DICER1: variants seen among roughly 807,000 people sequenced by gnomAD.
DICER1 encodes dicer 1, ribonuclease III.
In DICER1, 43 loss-of-function variants were observed where a neutral mutation model predicts 194.1. The observed-to-expected ratio is 0.22, with a 90% CI of 0.17 to 0.29. DICER1 has a LOEUF of 0.29. DICER1 is among the 10% of genes least tolerant of loss of function. The pLI is 1.00. For synonymous variants in DICER1, 832 were observed against 820.5 expected (o/e 1.01, Z -0.24); for missense variants, 1,608 against 2,317.0 (o/e 0.69, Z 6.28).
In DICER1 at chr14:95,116,479, G is replaced by A. The variant is rs1310449725; in HGVS notation, c.1726C>T (p.Leu576Phe). Reference sequence around the variant, plus strand: ...TTTTCAATAGCTTTGTAGGTTTTAAGGTCTTCTTCAAAACTTTTTATTTTG... The same window carrying A: ...TTTTCAATAGCTTTGTAGGTTTTAAAGTCTTCTTCAAAACTTTTTATTTTG... Reference protein sequence around the residue: ...TDKIKSFEEDLKTYKAIEKIL... With the variant: ...TDKIKSFEEDFKTYKAIEKIL... Residue 576 changes from leucine to phenylalanine, a missense_variant, in exon 10 of 27, where the codon CTT becomes TTT. Physicochemically the swap from Leu to Phe is conservative, Grantham distance 22. This residue lies in a region of DICER1 where 657 missense variants were observed against 910.1 expected (regional missense o/e 0.72). Transcript: ENST00000343455. 1.2e-6 allele frequency: 2 copies of A among 1,612,706 alleles called. No individual in the cohort carries two copies. The highest frequency in any genetic ancestry group is 8.5e-7 in the Non-Finnish European group (1 of 1,179,856).
chr14:95,113,602 C>CTT, intron 11 of DICER1, among the ~76,000 whole-genome samples: 1 of 152,152 alleles, frequency 6.6e-6, no homozygotes, highest in East Asian at 1.9e-4. Context: ...AAACATACTG[C>CTT]CAATGTTTTT....
intron 22 of DICER1, among the ~76,000 whole-genome samples, chr14:95,097,460 T>C (rs925875959): frequency 4.6e-5 from 7 of 152,202 alleles, no homozygotes; most frequent in East Asian, 1.9e-4. Flanking sequence ...TAGACTAACA[T>C]GAAACACAAC....
rs878855251 is a variant in DICER1, at chr14:95,107,753, A to G, written c.2659T>C (p.Ser887Pro). 2 of 1,491,344 alleles carry G rather than the reference A, an allele frequency of 1.3e-6. No homozygotes were observed. Among genetic ancestry groups the G allele is most frequent in the Non-Finnish European group, 1.9e-6 (2 of 1,077,968 alleles). 92.4% of individuals were successfully genotyped at this position (1,491,344 alleles called of 1,614,324 possible). A position where few individuals can be genotyped will look rare whatever the true frequency, so the allele number is the denominator to read the frequency against. The change falls in exon 17 of 27, where the codon TCC becomes CCC. Residue 887 changes from serine to proline, a missense_variant. Physicochemically the swap from Ser to Pro is moderately conservative, Grantham distance 74. This residue lies in a region of DICER1 where 150 missense variants were observed against 216.0 expected (regional missense o/e 0.69). Transcript: ENST00000343455. ...TTAAAGTCAATATCCAAAGTGCTGG[A>G]GTCATTAACTTAGAAGAGAAAAACG... is the stretch of plus-strand genomic sequence containing the variant. ...CVLPLNVVND[S>P]STLDIDFKFM...
chr14:95,125,777 G>GGA (rs1893394098), intron 7 of DICER1, among the ~76,000 whole-genome samples: 1 of 97,990 alleles, frequency 1.0e-5, no homozygotes, highest in Non-Finnish European at 2.1e-5. Context: ...GGGAGGGGGA[G>GGA]GGAGGGGAGG....
intron 24 of DICER1, among the ~76,000 whole-genome samples, chr14:95,093,405 T>C (rs1441390409): frequency 6.6e-6 from 1 of 152,218 alleles, no homozygotes; most frequent in Non-Finnish European, 1.5e-5. Flanking sequence ...ATTCCAATGG[T>C]CAAAAATTTA....
chr14:95,091,896 G>A (rs1269818728), intron 24 of DICER1, among the ~76,000 whole-genome samples: 1 of 152,084 alleles, frequency 6.6e-6, no homozygotes, highest in African/African-American at 2.4e-5. Context: ...CACTAGATAT[G>A]TGTTCACTAT....
Position 95,100,238 on chromosome 14 carries a change from A to G in DICER1, c.4051-303T>C, listed in dbSNP as rs1344909885. 3.9e-5 allele frequency among the ~76,000 whole-genome samples: 6 copies of G among 152,248 alleles called. No homozygotes were observed. The East Asian group carries it at 5.8e-4, about 15-fold the overall frequency. ...TGACTGAGAAGAAACACTTCAGACA[A>G]TATCAAAGCCTTGAAAATACAACCT... On this transcript the variant is annotated intron_variant, in intron 21 of 26. Coordinates refer to ENST00000343455, the MANE Select transcript of DICER1 (RefSeq NM_177438.3).
chr14:95,109,061 ATTAGGGTATG>A (rs1031910535), intron 14 of DICER1, among the ~76,000 whole-genome samples: 2 of 152,184 alleles, frequency 1.3e-5, no homozygotes, highest in Non-Finnish European at 2.9e-5. Context: ...ACTGGTGTAT[ATTAGGGTATG>A]TGTGTATCTG....
chr14:95,099,097 T>C (rs558966093), intron 22 of DICER1, among the ~76,000 whole-genome samples: 11 of 152,342 alleles, frequency 7.2e-5, no homozygotes, highest in African/African-American at 2.6e-4. Context: ...GTCTGAAGCA[T>C]TGCCTTTAAC....
rs183879938 is a variant in DICER1, at chr14:95,093,923, G to A, written c.5329C>T (p.Leu1777Phe). The A allele has an allele frequency of 2.5e-6, 4 of 1,614,108 alleles. No individual in the cohort carries two copies. The Admixed American group carries it at 6.7e-5, about 27-fold the overall frequency. ...ATTCCTTGCATTTCATTCTTCTCAA[G>A]CTGAAACTGCACAAAGTCATCAATG... The part of the protein sequence containing the change: ...HVIDDFVQFQ[L>F]EKNEMQGMDS... The change falls in exon 24 of 27, where the codon CTT (leucine) becomes TTT (phenylalanine). Residue 1777 changes from leucine (L) to phenylalanine (F), a missense_variant. Leu to Phe is a conservative substitution (Grantham distance 22, BLOSUM62 0). Coordinates refer to ENST00000343455, the MANE Select transcript of DICER1 (RefSeq NM_177438.3).
chr14:95,150,370 C>G (rs932861518), intron 1 of DICER1, among the ~76,000 whole-genome samples: 3 of 152,120 alleles, frequency 2.0e-5, no homozygotes, highest in Non-Finnish European at 2.9e-5. Flanking sequence ...CCTGTAGTCC[C>G]AGCTACTCAG....
chr14:95,106,029 G>A lies in DICER1; in HGVS notation c.2987+12C>T. ...CAAGTGCAATCCAAGTGTCATCTCT[G>A]AAGCCCCTTACCTTGAAGATGTGTG... is the stretch of plus-strand genomic sequence containing the variant. On this transcript the variant is annotated intron_variant, in intron 18 of 26. Transcript: ENST00000343455. 1.2e-6 allele frequency: 2 copies of A among 1,613,882 alleles called. No homozygotes were observed. The highest frequency in any genetic ancestry group is 1.7e-6 in the Non-Finnish European group (2 of 1,179,834).
At chr14:95,111,144 A>G (rs1284374817) in intron 14 of DICER1, among the ~76,000 whole-genome samples, 173 bp downstream of exon 14, 1 of 152,140 alleles carries the variant, frequency 6.6e-6, no homozygotes, top group Non-Finnish European at 1.5e-5. Flanking sequence ...CTACATTAGG[A>G]AGGAAAGAGG....
At position 95,107,754 on chromosome 14, in the gene DICER1, G is replaced by A. The variant is rs771049445; in HGVS notation, c.2658C>T (p.Asp886=). 1.7e-4 allele frequency: 211 copies of A among 1,230,342 alleles called. No homozygotes were observed. The highest frequency in any genetic ancestry group is 2.3e-4 in the Non-Finnish European group (198 of 873,528). The allele number at this position is 1,230,342 out of a possible 1,614,324, so 76.2% of individuals were successfully genotyped here. Residue 886 remains aspartate (D), a synonymous_variant, in exon 17 of 27, where the codon GAC becomes GAT. Transcript: ENST00000343455. ...TAAAGTCAATATCCAAAGTGCTGGA[G>A]TCATTAACTTAGAAGAGAAAAACGA... is the stretch of plus-strand genomic sequence containing the variant. ...YCVLPLNVVN[D]SSTLDIDFKF... is the part of the protein sequence containing the mutation.
chr14:95,132,070 T>A (rs956342540), intron 3 of DICER1, among the ~76,000 whole-genome samples: 7 of 152,200 alleles, frequency 4.6e-5, no homozygotes, highest in African/African-American at 1.7e-4. Flanking sequence ...TTATATATAA[T>A]CCAAGCATAT....
At chr14:95,157,971 G>A (rs1263929963), upstream of DICER1, 1 of 152,176 alleles carries the variant, frequency 6.6e-6, no homozygotes, top group South Asian at 2.1e-4. Flanking sequence ...GTGGTGCAGG[G>A]GCCTCCGCAT....
At position 95,126,564 on chromosome 14, in the gene DICER1, C is replaced by T. The variant is rs1893474092; in HGVS notation, c.903+16G>A. On this transcript the variant is annotated intron_variant, in intron 7 of 26. Transcript: ENST00000343455. ...TTTCAAAATATAATCACTATACCTA[C>T]TTGGTATATGCTTACCTGTTTCGAA... 7 of 1,417,626 alleles carry T rather than the reference C, an allele frequency of 4.9e-6. No homozygotes were observed. In the East Asian group the frequency reaches 9.1e-5, roughly 19 times the overall value. The allele number at this position is 1,417,626 out of a possible 1,614,324, so 87.8% of individuals were successfully genotyped here.
At position 95,090,718 on chromosome 14, in the gene DICER1, T is replaced by C. The variant is rs1410763475; in HGVS notation, c.5604-55A>G. On this transcript the variant is annotated intron_variant, in intron 26 of 26. Coordinates refer to ENST00000343455, the MANE Select transcript of DICER1 (RefSeq NM_177438.3). ...AAGTCAGAAGTATTTATTATCATTG[T>C]CAATCAGCATTTAGTGTGCACTCTC... 2.5e-6 allele frequency: 4 copies of C among 1,598,838 alleles called. No homozygotes were observed. The African/African-American group carries it at 5.4e-5, about 21-fold the overall frequency.
intron 1 of DICER1, among the ~76,000 whole-genome samples, chr14:95,155,329 A>G (rs566445084): frequency 1.3e-5 from 2 of 152,350 alleles, no homozygotes; most frequent in South Asian, 2.1e-4. Context: ...TGTCTACGAA[A>G]TATCTACTTT....
Sources: allele counts gnomAD v4.1 joint callset (sites outside exome capture counted in the v4.1 genomes callset), GRCh38; gene constraint gnomAD v4.1.1; regional missense constraint gnomAD v4.1.1; transcripts MANE v1.5; gene names NCBI Gene and HGNC (gene_info 2026-07-23, HGNC 2026-07-21).